SGO2: variants seen among roughly 807,000 people sequenced by gnomAD.
SGO2 encodes shugoshin 2, also known as shugoshin-like 2.
SGO2 carries 68 observed loss-of-function variants against 99.5 expected under a neutral mutation model. That is an observed-to-expected ratio of 0.68 (90% CI 0.56 to 0.84). The LOEUF (loss-of-function observed/expected upper bound fraction) is 0.84. Among genes scored for constraint, SGO2 ranks in the 40% least tolerant of loss-of-function variants. The pLI is 0.00. For synonymous variants in SGO2, 457 were observed against 487.1 expected, an observed-to-expected ratio of 0.94 and a Z score of 0.81; for missense variants, 1,350 against 1,436.7, an observed-to-expected ratio of 0.94 and a Z score of 0.97.
intron 1 of SGO2, among the ~76,000 whole-genome samples, chr2:200,529,964 T>A (rs1430665371): frequency 1.3e-5 from 2 of 152,126 alleles, no homozygotes; most frequent in Non-Finnish European, 2.9e-5. Flanking sequence ...GAATAACCAG[T>A]ATAAAGGACC....
chr2:200,556,020 A>C (rs2032699612), intron 5 of SGO2, among the ~76,000 whole-genome samples: 1 of 152,186 alleles, frequency 6.6e-6, no homozygotes, highest in South Asian at 2.1e-4. Flanking sequence ...GCTGGAGTGC[A>C]ATGGTGCAAT....
chr2:200,532,606 T>G (rs2031462542), intron 1 of SGO2, among the ~76,000 whole-genome samples: 1 of 152,184 alleles, frequency 6.6e-6, no homozygotes, highest in Non-Finnish European at 1.5e-5. Flanking sequence ...ATATCTCTTC[T>G]GTACTTCCTT....
At chr2:200,528,496 A>C (rs1365420316) in intron 1 of SGO2, among the ~76,000 whole-genome samples, 1 of 152,120 alleles carries the variant, frequency 6.6e-6, no homozygotes, top group Non-Finnish European at 1.5e-5. Flanking sequence ...GAAAGAATGG[A>C]GTTGTCATTA....
In SGO2 at chr2:200,573,813, G is replaced by C; in HGVS notation, c.3467G>C (p.Arg1156Pro). 6.2e-7 allele frequency: 1 copy of C among 1,612,784 alleles called. No homozygotes were observed. The highest frequency in any genetic ancestry group is 2.2e-5 in the East Asian group (1 of 44,838). The change falls in exon 7 of 9, where the codon CGT becomes CCT. Residue 1156 changes from arginine to proline, a missense_variant. Transcript: ENST00000357799. ...NIQDSSFDSV[R>P]EGLVPLSVSS... ...CAAGATTCTTCCTTTGACAGTGTTC[G>C]TGAAGGTTTAGTACCTTTGAGCGTT... is the stretch of plus-strand genomic sequence containing the variant.
At chr2:200,559,225 G>A (rs983188826) in intron 5 of SGO2, among the ~76,000 whole-genome samples, 9 of 152,062 alleles carry the variant, frequency 5.9e-5, no homozygotes, top group African/African-American at 2.2e-4. Flanking sequence ...GCATAAAATT[G>A]TCCATAATAT....
chr2:200,556,731 A>G (rs150583007), intron 5 of SGO2, among the ~76,000 whole-genome samples: 82 of 152,338 alleles, frequency 5.4e-4, no homozygotes, highest in African/African-American at 1.6e-3. Context: ...GAAGGACCTT[A>G]CAGCAGCCAA....
intron 5 of SGO2, 21 bp downstream of exon 5, chr2:200,542,685 C>T (rs763637875): frequency 3.8e-6 from 6 of 1,582,536 alleles, no homozygotes; most frequent in Non-Finnish European, 5.2e-6. Context: ...GCTTGAATTA[C>T]ACTAGTTCAG....
intron 4 of SGO2, 62 bp from the exon 5 acceptor site, chr2:200,542,517 T>A: frequency 7.7e-7 from 1 of 1,290,670 alleles, no homozygotes. Flanking sequence ...TTTGGTACTG[T>A]GATAACTAAC....
chr2:200,582,320 A>G (rs2033862580), intron 8 of SGO2, among the ~76,000 whole-genome samples: 1 of 152,122 alleles, frequency 6.6e-6, no homozygotes, highest in South Asian at 2.1e-4. Context: ...TAAACATTGC[A>G]TTCACAACCC....
At position 200,572,635 on chromosome 2, in the gene SGO2, G is replaced by A. The variant is rs2033481767; in HGVS notation, c.2289G>A (p.Glu763=). 2 of 1,612,720 alleles carry A rather than the reference G, an allele frequency of 1.2e-6. No homozygotes were observed. Among genetic ancestry groups the A allele is most frequent in the Middle Eastern group, 1.7e-4 (1 of 6,056 alleles). The change falls in exon 7 of 9, where the codon GAG becomes GAA. Residue 763 remains glutamate (E), a synonymous_variant. Coordinates refer to ENST00000357799, the MANE Select transcript of SGO2 (RefSeq NM_152524.6). The part of the protein sequence containing the change: ...IIPGNLEDPS[E]FETPALSTKD... ...CTGGAAACCTAGAAGACCCAAGTGA[G>A]TTTGAAACACCTGCTCTTTCTACCA...
chr2:200,570,511 G>GT lies in SGO2; in HGVS notation c.704-539_704-538insT, dbSNP rs1425864320. On this transcript the variant is annotated intron_variant, in intron 6 of 8. Transcript: ENST00000357799. The surrounding 1 kb of genome is among the most constrained non-coding windows in gnomAD (Gnocchi z 4.4). Reference sequence around the variant, plus strand: ...GTGTGTGTGTGTGTGTGTGTGTGTGGGCATATGTATATGTATATAATATAT... The same window carrying GT: ...GTGTGTGTGTGTGTGTGTGTGTGTGGTGCATATGTATATGTATATAATATAT... Among the ~76,000 whole-genome samples, 7 of 66,548 alleles carry GT rather than the reference G, an allele frequency of 1.1e-4. No homozygotes were observed. Among genetic ancestry groups the GT allele is most frequent in the Admixed American group, 1.5e-4 (1 of 6,642 alleles). The allele number at this position is 66,548 out of a possible 152,430, so 43.7% of individuals were successfully genotyped here.
chr2:200,565,202 G>A (rs1030317068), intron 5 of SGO2, among the ~76,000 whole-genome samples: 14 of 152,194 alleles, frequency 9.2e-5, no homozygotes, highest in African/African-American at 3.1e-4. Flanking sequence ...GCTGGTACCA[G>A]TTGTTCCTTT....
intron 1 of SGO2, chr2:200,531,738 A>T (rs1299023933): frequency 6.6e-6 from 1 of 152,286 alleles, no homozygotes; most frequent in Non-Finnish European, 1.5e-5. Context: ...GGAGGCCAGA[A>T]GTCTAAATTC....
chr2:200,573,520 TGTG>T lies in SGO2; in HGVS notation c.3176_3178del (p.Val1059del), dbSNP rs2033537032. 25 of 1,612,108 alleles carry T rather than the reference TGTG, an allele frequency of 1.6e-5. No homozygotes were observed. In the East Asian group the frequency reaches 5.6e-4, roughly 36 times the overall value. On this transcript the variant is annotated inframe_deletion, in exon 7 of 9. Coordinates refer to ENST00000357799, the MANE Select transcript of SGO2 (RefSeq NM_152524.6). ...CTTTGAATAAAAAAGATCTCCCTTTTGTGGAAGAAATAAAAGAAGGAGAGTGTC... is the reference window on the plus strand; with the variant it reads ...CTTTGAATAAAAAAGATCTCCCTTTTGAAGAAATAAAAGAAGGAGAGTGTC...
intron 6 of SGO2, 68 bp downstream of exon 6, chr2:200,569,960 G>T: frequency 1.9e-6 from 2 of 1,027,594 alleles, no homozygotes; most frequent in Non-Finnish European, 3.0e-6. Flanking sequence ...TTCTTCCTGA[G>T]GGCAATTATG....
At position 200,550,973 on chromosome 2, in the gene SGO2, G is replaced by C. The variant is rs74401373; in HGVS notation, c.473+8309G>C. The stretch of plus-strand genomic sequence containing the variant: ...GATTAATAACCAGCATATATTGGGA[G>C]CTTAAACAACTAAGTAGCAAAAAAA... On this transcript the variant is annotated intron_variant, in intron 5 of 8. Coordinates refer to ENST00000357799, the MANE Select transcript of SGO2 (RefSeq NM_152524.6). Among the ~76,000 whole-genome samples the C allele has an allele frequency of 2.4e-3, 347 of 147,458 alleles. 3 individuals carry two copies. The highest frequency in any genetic ancestry group is 3.8e-3 in the Non-Finnish European group (254 of 67,042).
At chr2:200,549,534 A>T (rs967630982) in intron 5 of SGO2, among the ~76,000 whole-genome samples, 1 of 152,186 alleles carries the variant, frequency 6.6e-6, no homozygotes, top group Non-Finnish European at 1.5e-5. Context: ...ATTCAACAAC[A>T]CATTAAAAAG....
chr2:200,571,787 C>A lies in SGO2; in HGVS notation c.1441C>A (p.Gln481Lys). ...KKMTLQTGFEQGDRENVLCNK... is the reference protein window; with the variant it reads ...KKMTLQTGFEKGDRENVLCNK... ...AATGACCCTTCAAACTGGCTTTGAA[C>A]AAGGTGACAGAGAAAATGTACTGTG... Residue 481 changes from glutamine to lysine, a missense_variant, in exon 7 of 9, where the codon CAA becomes AAA. Gln to Lys is a moderately conservative substitution (Grantham distance 53). Transcript: ENST00000357799. 1.2e-6 allele frequency: 2 copies of A among 1,613,426 alleles called. No homozygotes were observed. Among genetic ancestry groups the A allele is most frequent in the South Asian group, 1.1e-5 (1 of 91,018 alleles).
At chr2:200,550,712 A>T (rs2032443619) in intron 5 of SGO2, among the ~76,000 whole-genome samples, 1 of 152,186 alleles carries the variant, frequency 6.6e-6, no homozygotes, top group African/African-American at 2.4e-5. Flanking sequence ...TTTGAATCTA[A>T]GACCCAAAAC....
Sources: gnomAD v4.1 joint callset for allele counts (sites outside exome capture counted in the v4.1 genomes callset) on GRCh38, gnomAD v4.1.1 for gene constraint, Gnocchi (gnomAD v3.1) non-coding constraint, MANE v1.5 for transcripts, NCBI Gene and HGNC (gene_info 2026-07-23, HGNC 2026-07-21) for gene names.